The following THSD7B variants were observed in gnomAD, a reference collection of about 807,000 sequenced individuals.
The protein encoded by THSD7B is thrombospondin type 1 domain containing 7B.
Under a neutral mutation model 213.6 loss-of-function variants are expected in THSD7B, and 138 were observed. That is an observed-to-expected ratio of 0.65 (90% CI 0.56 to 0.74). The LOEUF (loss-of-function observed/expected upper bound fraction) is 0.74. THSD7B is among the 30% of genes least tolerant of loss of function. The probability of loss-of-function intolerance (pLI) is 0.00; values close to 1 mark genes in which losing one functional copy is unlikely to be tolerated. For synonymous variants in THSD7B, 742 were observed against 687.0 expected (o/e 1.08, Z -1.25); for missense variants, 1,931 against 1,991.5 (o/e 0.97, Z 0.58).
At chr2:137,438,243 G>T (rs904294068) in intron 14 of THSD7B, among the ~76,000 whole-genome samples, 1 of 152,010 alleles carries the variant, frequency 6.6e-6, no homozygotes, top group Non-Finnish European at 1.5e-5. Flanking sequence ...TTGAACTTAG[G>T]TCTTTAAATT....
chr2:137,066,032 C>G (rs1246382278), intron 3 of THSD7B, among the ~76,000 whole-genome samples: 1 of 151,916 alleles, frequency 6.6e-6, no homozygotes, highest in Non-Finnish European at 1.5e-5. Context: ...ATCTGAGTTT[C>G]TAACCTACAT....
At position 137,409,160 on chromosome 2, in the gene THSD7B, T is replaced by A. The variant is rs377720207; in HGVS notation, c.2696-2449T>A. Among the ~76,000 whole-genome samples the A allele has an allele frequency of 9.8e-5, 15 of 152,328 alleles. No homozygotes were observed. The East Asian group carries it at 2.9e-3, about 29-fold the overall frequency. ...CAGAGTTTTCAGTAGACCAGTGATT[T>A]GATCAGATTTGTACTTTGAAAGCTG... On this transcript the variant is annotated intron_variant, in intron 13 of 27. Coordinates refer to ENST00000409968, the MANE Select transcript of THSD7B (RefSeq NM_001316349.2).
At chr2:137,618,898 A>G (rs1682461135) in intron 19 of THSD7B, among the ~76,000 whole-genome samples, 1 of 152,206 alleles carries the variant, frequency 6.6e-6, no homozygotes, top group Admixed American at 6.5e-5. Flanking sequence ...ACGAACATGG[A>G]CACTTGCCAT....
chr2:137,078,518 A>G (rs893051079), intron 3 of THSD7B, among the ~76,000 whole-genome samples: 1 of 152,160 alleles, frequency 6.6e-6, no homozygotes, highest in Non-Finnish European at 1.5e-5. Context: ...ATTATTTAAA[A>G]TAGTAATTTG....
chr2:136,937,456 G>A (rs1348407070), intron 2 of THSD7B, among the ~76,000 whole-genome samples: 2 of 152,032 alleles, frequency 1.3e-5, no homozygotes, highest in Non-Finnish European at 2.9e-5. Flanking sequence ...GATTGTCCGA[G>A]TTGGCAGGCG....
intron 7 of THSD7B, among the ~76,000 whole-genome samples, chr2:137,226,625 G>A (rs1681510341): frequency 6.6e-6 from 1 of 151,744 alleles, no homozygotes; most frequent in Non-Finnish European, 1.5e-5. Flanking sequence ...TATTAGAAGA[G>A]TAGTGTGAAC....
At chr2:137,367,783 T>G (rs1045228056) in intron 12 of THSD7B, among the ~76,000 whole-genome samples, 2 of 152,138 alleles carry the variant, frequency 1.3e-5, no homozygotes, top group Non-Finnish European at 2.9e-5. Flanking sequence ...TGGCCTTTCC[T>G]CAGTGTGTGC....
intron 15 of THSD7B, among the ~76,000 whole-genome samples, chr2:137,533,299 C>T (rs1169277909): frequency 6.6e-6 from 1 of 151,716 alleles, no homozygotes; most frequent in Non-Finnish European, 1.5e-5. Context: ...GGAAATAAGT[C>T]GAATACAGAG....
intron 12 of THSD7B, among the ~76,000 whole-genome samples, chr2:137,383,565 G>A (rs530279993): frequency 8.5e-5 from 13 of 152,322 alleles, no homozygotes; most frequent in African/African-American, 2.4e-4. Flanking sequence ...AGTTTGGAGC[G>A]CAGGCACGTA....
intron 5 of THSD7B, among the ~76,000 whole-genome samples, chr2:137,159,481 GA>G (rs141643853): frequency 4.7e-5 from 7 of 149,970 alleles, no homozygotes; most frequent in Non-Finnish European, 7.4e-5. Context: ...AAAATAAAAA[GA>G]AAAAAAAAGC....
At chr2:137,592,990 T>C (rs1172572239) in intron 17 of THSD7B, among the ~76,000 whole-genome samples, 1 of 151,936 alleles carries the variant, frequency 6.6e-6, no homozygotes, top group Non-Finnish European at 1.5e-5. Context: ...CATTATGTCT[T>C]GAATTTCATA....
chr2:137,618,327 T>G, intron 18 of THSD7B, 65 bp from the exon 19 acceptor site: 1 of 1,231,386 alleles, frequency 8.1e-7, no homozygotes, highest in Non-Finnish European at 1.2e-6. Flanking sequence ...TAATCAAAGG[T>G]CTGTTGTATT....
In THSD7B at chr2:137,160,096, A is replaced by G. The variant is rs986888142; in HGVS notation, c.1370-117A>G. The G allele has an allele frequency of 6.8e-6, 8 of 1,181,836 alleles. No homozygotes were observed. In the African/African-American group the frequency reaches 1.2e-4, roughly 18 times the overall value. 73.2% of individuals were successfully genotyped at this position (1,181,836 alleles called of 1,614,324 possible). ...TAGAAAGTGTTGATGTTTTCTTTGC[A>G]TATGTTCTTTTTAACTATAATGTTT... is the stretch of plus-strand genomic sequence containing the variant. On this transcript the variant is annotated intron_variant, in intron 5 of 27. Transcript: ENST00000409968.
At chr2:137,420,469 C>G (rs1213616505) in intron 14 of THSD7B, among the ~76,000 whole-genome samples, 2 of 152,140 alleles carry the variant, frequency 1.3e-5, no homozygotes, top group African/African-American at 4.8e-5. Context: ...CCCTAGAACC[C>G]ACTAGGAGAG....
chr2:137,135,315 A>G (rs1347038852), intron 5 of THSD7B, among the ~76,000 whole-genome samples: 1 of 152,170 alleles, frequency 6.6e-6, no homozygotes, highest in African/African-American at 2.4e-5. Flanking sequence ...TTTAGCCCTT[A>G]TAACATTATT....
intron 1 of THSD7B, among the ~76,000 whole-genome samples, chr2:136,822,371 G>T (rs940921607): frequency 6.6e-6 from 1 of 152,198 alleles, no homozygotes; most frequent in Non-Finnish European, 1.5e-5. Context: ...TTGTGGTTCT[G>T]AATTGAGACT....
intron 2 of THSD7B, among the ~76,000 whole-genome samples, chr2:136,968,003 C>G (rs1685348503): frequency 1.3e-5 from 2 of 152,096 alleles, no homozygotes; most frequent in Admixed American, 1.3e-4. Context: ...TCACAATTTA[C>G]TTATTCATTC....
In THSD7B at chr2:137,676,756, T is replaced by C. The variant is rs1195192130; in HGVS notation, c.*151T>C. 1 of 604,200 alleles carries C rather than the reference T, an allele frequency of 1.7e-6. No individual in the cohort carries two copies. Among genetic ancestry groups the C allele is most frequent in the African/African-American group, 1.9e-5 (1 of 51,538 alleles). 37.4% of individuals were successfully genotyped at this position (604,200 alleles called of 1,614,324 possible). On this transcript the variant is annotated 3_prime_UTR_variant, in exon 28 of 28. Transcript: ENST00000409968. ...AAAAGTAATATTGCCTCAACTTCAT[T>C]TGGACATGGAGTCAAGGATTATTAG... is the stretch of plus-strand genomic sequence containing the variant.
intron 14 of THSD7B, among the ~76,000 whole-genome samples, chr2:137,428,164 C>T (rs895439243): frequency 5.3e-5 from 8 of 152,028 alleles, no homozygotes; most frequent in African/African-American, 1.9e-4. Flanking sequence ...GTAGGCATTT[C>T]TTCAAAGACA....
Sources: gnomAD v4.1 joint callset for allele counts (sites outside exome capture counted in the v4.1 genomes callset) on GRCh38, gnomAD v4.1.1 for gene constraint, MANE v1.5 for transcripts, NCBI Gene and HGNC (gene_info 2026-07-23, HGNC 2026-07-21) for gene names.